The following ZNF469 variants were observed in gnomAD, a reference collection of about 807,000 sequenced individuals.
The protein encoded by ZNF469 is zinc finger protein 469.
Under a neutral mutation model 1.0 loss-of-function variants are expected in ZNF469, and 1 was observed. The ratio of observed to expected loss-of-function variants is 1.00; its 90% CI spans 0.35 to 4.73. The LOEUF is 4.73. Ranked by LOEUF, ZNF469 falls within the 30% of genes most tolerant of loss-of-function variation. The probability of loss-of-function intolerance (pLI) is 0.16; values close to 1 mark genes in which losing one functional copy is unlikely to be tolerated. For missense variants in ZNF469, 6,100 were observed against 5,356.3 expected (o/e 1.14, Z -4.33); for synonymous variants, 2,703 against 2,363.4 (o/e 1.14, Z -4.17).
At chr16:88,301,321 A>G in the ZNF469 span, among the ~76,000 whole-genome samples, 1 of 151,878 alleles carries the variant, frequency 6.6e-6, no homozygotes, top group South Asian at 2.1e-4. Context: ...CGCCTGGCTA[A>G]TTTTTTGTAT....
At chr16:88,102,937 A>C in the ZNF469 span, among the ~76,000 whole-genome samples, 2 of 152,394 alleles carry the variant, frequency 1.3e-5, no homozygotes, top group East Asian at 3.9e-4. Context: ...GGGTGTCCCA[A>C]GATGAGGGTG....
intron 1 of ZNF469, among the ~76,000 whole-genome samples, chr16:88,408,164 T>TG (rs1905065194): frequency 6.6e-6 from 1 of 152,178 alleles, no homozygotes; most frequent in African/African-American, 2.4e-5. Flanking sequence ...TTTGTGTGTG[T>TG]TTTTTTGCAA....
At chr16:88,352,686 T>C in the ZNF469 span, among the ~76,000 whole-genome samples, 1 of 152,232 alleles carries the variant, frequency 6.6e-6, no homozygotes, top group East Asian at 1.9e-4. Context: ...CCCTGGCTGG[T>C]AGCAGCCGTG....
Position 88,438,384 on chromosome 16 carries a change from C to G in ZNF469, c.10914C>G (p.Phe3638Leu), listed in dbSNP as rs1310730617. ...GTGGCAGGTGTGCCCCTGACCATTT[C>G]CAGGAAGACCACCTACTTCAGAAAG... ...GARGRCAPDH[F>L]QEDHLLQKEK... Residue 3638 changes from phenylalanine (F) to leucine (L), a missense_variant, in exon 3 of 3, where the codon TTC becomes TTG. By Grantham distance (22) the Phe-to-Leu change is conservative. Coordinates refer to ENST00000565624, the MANE Select transcript of ZNF469 (RefSeq NM_001367624.2). The G allele has an allele frequency of 6.5e-7, 1 of 1,550,190 alleles. No individual in the cohort carries two copies. The highest frequency in any genetic ancestry group is 2.4e-5 in the East Asian group (1 of 40,910).
chr16:88,209,669 G>C, the ZNF469 span, among the ~76,000 whole-genome samples: 1 of 152,166 alleles, frequency 6.6e-6, no homozygotes, highest in African/African-American at 2.4e-5. Context: ...GTTAGAGATA[G>C]TCTTTTACAT....
Position 88,437,579 on chromosome 16 carries a change from GC to G in ZNF469, c.10114del (p.Arg3372GlyfsTer66). 2.0e-6 allele frequency: 3 copies of G among 1,536,372 alleles called. No individual in the cohort carries two copies. The highest frequency in any genetic ancestry group is 2.6e-6 in the Non-Finnish European group (3 of 1,136,870). ...CAGCGCGTCTACCTGTGCCCCCGGT[GC>G]CCCCGGGTCTACCCCGAGCACGGGG... is the stretch of plus-strand genomic sequence containing the variant. ...SPQRVYLCPRCPRVYPEHGEL... is the reference protein window; with the variant it reads ...SPQRVYLCPRXPRVYPEHGEL... On this transcript the variant is annotated frameshift_variant, in exon 3 of 3. Transcript: ENST00000565624. LOFTEE classifies it low-confidence loss of function (END_TRUNC).
the ZNF469 span, among the ~76,000 whole-genome samples, chr16:88,247,240 G>GGTGAATGAGTGA: frequency 0.63 from 92,116 of 147,184 alleles, 30,484 homozygotes; most frequent in African/African-American, 0.85. Flanking sequence ...GGGAGTGAAT[G>GGTGAATGAGTGA]GTGAATGAGT....
At chr16:88,181,773 C>T in the ZNF469 span, among the ~76,000 whole-genome samples, 2 of 152,050 alleles carry the variant, frequency 1.3e-5, no homozygotes, top group Non-Finnish European at 2.9e-5. Flanking sequence ...ACAATAAATT[C>T]AAAGTAAGGA....
the ZNF469 span, among the ~76,000 whole-genome samples, chr16:88,201,844 G>C: frequency 6.6e-6 from 1 of 152,360 alleles, no homozygotes; most frequent in East Asian, 1.9e-4. This position sits in a 1 kb window ranked among gnomAD's most constrained non-coding sequence, Gnocchi z 5.0. Context: ...TGGCAGGGGT[G>C]GGGGAGCTCT....
At chr16:88,265,623 C>G in the ZNF469 span, among the ~76,000 whole-genome samples, 1 of 152,208 alleles carries the variant, frequency 6.6e-6, no homozygotes, top group African/African-American at 2.4e-5. Flanking sequence ...GGACCGCAAA[C>G]ACCTCACTCA....
At chr16:88,236,553 A>T in the ZNF469 span, among the ~76,000 whole-genome samples, 1 of 152,188 alleles carries the variant, frequency 6.6e-6, no homozygotes, top group Non-Finnish European at 1.5e-5. Context: ...GGTTCCATTC[A>T]GTTGGTTGGG....
chr16:88,408,166 T>G (rs1905065291), intron 1 of ZNF469, among the ~76,000 whole-genome samples: 1 of 152,256 alleles, frequency 6.6e-6, no homozygotes, highest in African/African-American at 2.4e-5. Context: ...TGTGTGTGTT[T>G]TTTTGCAAAG....
In ZNF469 at chr16:88,429,521, G is replaced by A; in HGVS notation, c.2051G>A (p.Cys684Tyr). The A allele has an allele frequency of 6.5e-7, 1 of 1,550,016 alleles. No individual in the cohort carries two copies. Among genetic ancestry groups the A allele is most frequent in the Non-Finnish European group, 8.7e-7 (1 of 1,146,834 alleles). ...DGLGAEGAFQ[C>Y]LEETPFPHEG... ...CTGGGAGCCGAGGGTGCCTTCCAGT[G>A]CCTGGAGGAGACCCCATTCCCCCAC... Residue 684 changes from cysteine to tyrosine, a missense_variant, in exon 3 of 3, where the codon TGC becomes TAC. Coordinates refer to ENST00000565624, the MANE Select transcript of ZNF469 (RefSeq NM_001367624.2).
the ZNF469 span, among the ~76,000 whole-genome samples, chr16:88,362,250 T>A: frequency 6.6e-6 from 1 of 152,236 alleles, no homozygotes; most frequent in Non-Finnish European, 1.5e-5. Flanking sequence ...AAGATCAGTT[T>A]ATGGCTCCTG....
chr16:88,395,163 A>G (rs534556983), intron 1 of ZNF469, among the ~76,000 whole-genome samples: 1 of 152,204 alleles, frequency 6.6e-6, no homozygotes, highest in Non-Finnish European at 1.5e-5. Context: ...TCTTATGGCC[A>G]TGGACAGCCA....
At chr16:88,128,387 T>C in the ZNF469 span, among the ~76,000 whole-genome samples, 195 of 152,336 alleles carry the variant, frequency 1.3e-3, 1 homozygote, top group African/African-American at 4.4e-3. Flanking sequence ...TTTTAAAATA[T>C]GAAAATGATG....
At chr16:88,269,347 C>T in the ZNF469 span, among the ~76,000 whole-genome samples, 14 of 152,166 alleles carry the variant, frequency 9.2e-5, no homozygotes, top group Admixed American at 2.0e-4. Context: ...GGTGGGTGCA[C>T]CCGGACGGCC....
the ZNF469 span, among the ~76,000 whole-genome samples, chr16:88,167,305 G>GAAGT: frequency 6.6e-6 from 1 of 151,954 alleles, no homozygotes; most frequent in African/African-American, 2.4e-5. Context: ...CAGGTGATCC[G>GAAGT]CCCGCCTCGG....
At chr16:88,418,994 G>C (rs1019537406) in intron 1 of ZNF469, among the ~76,000 whole-genome samples, 1 of 152,242 alleles carries the variant, frequency 6.6e-6, no homozygotes, top group African/African-American at 2.4e-5. Flanking sequence ...GGTGAGCCTG[G>C]CCGCCTGCCC....
Sources: allele counts gnomAD v4.1 joint callset (sites outside exome capture counted in the v4.1 genomes callset), GRCh38; gene constraint gnomAD v4.1.1; non-coding constraint Gnocchi (gnomAD v3.1); transcripts MANE v1.5; gene names NCBI Gene and HGNC (gene_info 2026-07-23, HGNC 2026-07-21).